WDPCP: variants seen among roughly 807,000 people sequenced by gnomAD.
WDPCP encodes the protein WD repeat-containing and planar cell polarity effector protein fritz homolog.
In WDPCP, 71 loss-of-function variants were observed where a neutral mutation model predicts 93.1. The observed-to-expected ratio is 0.76, with a 90% confidence interval of 0.63 to 0.93. WDPCP has a LOEUF of 0.93. WDPCP is among the 40% of genes least tolerant of loss of function. WDPCP has a pLI of 0.00. For missense variants in WDPCP, 844 were observed against 887.4 expected, an observed-to-expected ratio of 0.95 and a Z score of 0.62; for synonymous variants, 315 against 315.0, an observed-to-expected ratio of 1.00 and a Z score of 0.00.
At chr2:63,587,077 G>C (rs1287040530) in intron 1 of WDPCP, among the ~76,000 whole-genome samples, 1 of 152,168 alleles carries the variant, frequency 6.6e-6, no homozygotes, top group Non-Finnish European at 1.5e-5. Flanking sequence ...CATTTAGGAG[G>C]ATAATGGAAG....
chr2:63,644,478 G>A lies in WDPCP; in HGVS notation n.488+6181C>T, dbSNP rs576459012. On this transcript the variant is annotated intron_variant and non_coding_transcript_variant, in intron 3 of 4. Coordinates refer to the WDPCP transcript ENST00000467687. ...AGGCTGGTCTTGAACTCCTGACCTC[G>A]TGATCCACCCACCTCGGCCTCCCAA... Among the ~76,000 whole-genome samples the A allele has an allele frequency of 2.2e-4, 34 of 152,056 alleles. No individual in the cohort carries two copies. The South Asian group carries it at 3.7e-3, about 17-fold the overall frequency.
At chr2:63,148,706 T>C (rs1408625899) in intron 17 of WDPCP, among the ~76,000 whole-genome samples, 1 of 151,924 alleles carries the variant, frequency 6.6e-6, no homozygotes, top group Non-Finnish European at 1.5e-5. Context: ...AAAGCCAAGA[T>C]TAACCCAGAG....
At chr2:63,816,236 T>C (rs1454554576) in intron 1 of WDPCP, among the ~76,000 whole-genome samples, 2 of 152,288 alleles carry the variant, frequency 1.3e-5, no homozygotes, top group East Asian at 3.9e-4. Flanking sequence ...AAGCCTGGTA[T>C]GGTATGACTC....
chr2:63,517,853 C>T (rs985161946), intron 1 of WDPCP: 14 of 152,192 alleles, frequency 9.2e-5, no homozygotes, highest in Non-Finnish European at 1.8e-4. Context: ...TACATACACA[C>T]ACACACAGCA....
rs138947773 is a variant in WDPCP at position 63,787,016 on chromosome 2, G to A, written n.308+26606C>T. Among the ~76,000 whole-genome samples, 63 of 152,254 alleles carry A rather than the reference G, an allele frequency of 4.1e-4. 1 individual carries two copies. Among genetic ancestry groups the A allele is most frequent in the African/African-American group, 1.4e-3 (58 of 41,556 alleles). On this transcript the variant is annotated intron_variant and non_coding_transcript_variant, in intron 2 of 4. Transcript: ENST00000467687. Reference sequence around the variant, plus strand: ...GAGGAAAGGGTACTATTTCTAGAAGGTTCTTACATTCGTTGATCATGACAA... The same window carrying A: ...GAGGAAAGGGTACTATTTCTAGAAGATTCTTACATTCGTTGATCATGACAA...
At chr2:63,626,469 A>G (rs1172351816) in intron 3 of WDPCP, among the ~76,000 whole-genome samples, 1 of 152,250 alleles carries the variant, frequency 6.6e-6, no homozygotes, top group Non-Finnish European at 1.5e-5. Flanking sequence ...CAGAATCTAC[A>G]AAGAACTTAA....
At chr2:63,723,143 A>G (rs1299174969) in intron 2 of WDPCP, among the ~76,000 whole-genome samples, 2 of 151,860 alleles carry the variant, frequency 1.3e-5, no homozygotes. Context: ...GGACACAAAC[A>G]CTGCGGAAGG....
intron 3 of WDPCP, among the ~76,000 whole-genome samples, chr2:63,636,814 C>A (rs1057495299): frequency 1.3e-4 from 20 of 152,078 alleles, no homozygotes; most frequent in African/African-American, 4.6e-4. Flanking sequence ...CAAGAATACA[C>A]AATGAAGAAA....
chr2:63,223,169 G>A (rs961205626), intron 14 of WDPCP, among the ~76,000 whole-genome samples: 1 of 151,982 alleles, frequency 6.6e-6, no homozygotes, highest in African/African-American at 2.4e-5. Context: ...CCTATTTGAC[G>A]AAACAACTCA....
chr2:63,563,168 C>T (rs542940411), intron 1 of WDPCP, among the ~76,000 whole-genome samples: 12 of 152,106 alleles, frequency 7.9e-5, no homozygotes, highest in East Asian at 1.9e-4. Context: ...GATGCATATA[C>T]GACAGTTTTA....
At chr2:63,822,124 TC>T (rs1397947706) in intron 1 of WDPCP, among the ~76,000 whole-genome samples, 1 of 151,390 alleles carries the variant, frequency 6.6e-6, no homozygotes, top group African/African-American at 2.5e-5. Flanking sequence ...TTAAAATTAT[TC>T]CCTGTTTTTT....
At chr2:63,240,210 G>C (rs530418863) in intron 14 of WDPCP, among the ~76,000 whole-genome samples, 1 of 151,916 alleles carries the variant, frequency 6.6e-6, no homozygotes, top group Non-Finnish European at 1.5e-5. Context: ...ACAGGGTCTC[G>C]CTCTGTTGCC....
intron 13 of WDPCP, among the ~76,000 whole-genome samples, chr2:63,304,195 A>C (rs997456225): frequency 2.6e-5 from 4 of 152,240 alleles, no homozygotes; most frequent in African/African-American, 7.2e-5. Flanking sequence ...TCATATGTTT[A>C]TTGCAGTATT....
chr2:63,804,748 G>C (rs949537214), intron 2 of WDPCP, among the ~76,000 whole-genome samples: 1 of 151,714 alleles, frequency 6.6e-6, no homozygotes, highest in Non-Finnish European at 1.5e-5. Flanking sequence ...GTCCATGTTG[G>C]GCCGGGCACG....
chr2:63,293,986 T>A (rs1684641958), intron 13 of WDPCP, among the ~76,000 whole-genome samples: 1 of 152,124 alleles, frequency 6.6e-6, no homozygotes, highest in Non-Finnish European at 1.5e-5. Flanking sequence ...TGATGAAAGG[T>A]ATGAATACAA....
At chr2:63,351,032 A>T (rs1303254015) in intron 12 of WDPCP, among the ~76,000 whole-genome samples, 1 of 151,810 alleles carries the variant, frequency 6.6e-6, no homozygotes, top group Non-Finnish European at 1.5e-5. Context: ...CCCAGGCTAG[A>T]GTGCAATGGC....
intron 2 of WDPCP, among the ~76,000 whole-genome samples, chr2:63,726,401 G>C (rs941590617): frequency 6.6e-6 from 1 of 152,088 alleles, no homozygotes; most frequent in Non-Finnish European, 1.5e-5. Context: ...TGTTCCATTC[G>C]TCTATATGAC....
intron 1 of WDPCP, among the ~76,000 whole-genome samples, chr2:63,584,713 C>T (rs1387277443): frequency 3.3e-5 from 5 of 152,016 alleles, no homozygotes; most frequent in Non-Finnish European, 5.9e-5. Flanking sequence ...CATTACGTTT[C>T]CAGATATAAT....
In WDPCP at chr2:63,194,995, AT is replaced by A. The variant is rs1559191733; in HGVS notation, c.1916-20164del. Among the ~76,000 whole-genome samples, 6 of 152,270 alleles carry A rather than the reference AT, an allele frequency of 3.9e-5. No individual in the cohort carries two copies. The East Asian group carries it at 1.2e-3, about 29-fold the overall frequency. ...TACTAGTTATTACTGTTTTTTTAAA[AT>A]ATATTTTCTCAAAAATGTATGGTAA... is the stretch of plus-strand genomic sequence containing the variant. On this transcript the variant is annotated intron_variant, in intron 14 of 17. Transcript: ENST00000272321.
Sources: gnomAD v4.1 joint callset for allele counts (sites outside exome capture counted in the v4.1 genomes callset) on GRCh38, gnomAD v4.1.1 for gene constraint, MANE v1.5 for transcripts, NCBI Gene and HGNC (gene_info 2026-07-23, HGNC 2026-07-21) for gene names.